Variants in NRXN2 observed in about 807,000 individuals in gnomAD.
NRXN2 encodes neurexin-2-beta.
A neutral mutation model predicts 128.8 loss-of-function variants in NRXN2; 29 were observed. The observed-to-expected ratio is 0.23, with a 90% CI of 0.17 to 0.31. The LOEUF is 0.31. NRXN2 is among the 10% of genes least tolerant of loss of function. The pLI is 1.00. For missense variants in NRXN2, 1,881 were observed against 2,452.6 expected, an observed-to-expected ratio of 0.77 and a Z score of 4.92; for synonymous variants, 1,098 against 1,075.2, an observed-to-expected ratio of 1.02 and a Z score of -0.41.
chr11:64,637,197 C>T lies in NRXN2; in HGVS notation c.3404-1745G>A, dbSNP rs1203230212. 3.3e-5 allele frequency among the ~76,000 whole-genome samples: 5 copies of T among 152,226 alleles called. No homozygotes were observed. The East Asian group carries it at 9.6e-4, about 29-fold the overall frequency. On this transcript the variant is annotated intron_variant, in intron 17 of 22. Transcript: ENST00000265459. ...CACCTGGATGGCTAATAACTGACATCTCACCTCTGCCTGTGGCCAAGAAAC... is the reference window on the plus strand; with the variant it reads ...CACCTGGATGGCTAATAACTGACATTTCACCTCTGCCTGTGGCCAAGAAAC...
At position 64,713,069 on chromosome 11, in the gene NRXN2, T is replaced by C; in HGVS notation, c.631A>G (p.Asn211Asp). 7.7e-7 allele frequency: 1 copy of C among 1,297,020 alleles called. No individual in the cohort carries two copies. Among genetic ancestry groups the C allele is most frequent in the Non-Finnish European group, 9.7e-7 (1 of 1,031,792 alleles). 80.3% of individuals were successfully genotyped at this position (1,297,020 alleles called of 1,614,324 possible). Reference protein sequence around the residue: ...TADPLCAPARNPCANGGLCTV... With the variant: ...TADPLCAPARDPCANGGLCTV... ...CAGAGGCCGCCGTTGGCGCAGGGGTTGCGCGCGGGCGCGCACAGCGGGTCG... is the reference window on the plus strand; with the variant it reads ...CAGAGGCCGCCGTTGGCGCAGGGGTCGCGCGCGGGCGCGCACAGCGGGTCG... The change falls in exon 2 of 23, where the codon AAC (asparagine) becomes GAC (aspartate). Residue 211 changes from asparagine to aspartate, a missense_variant. By Grantham distance (23) the Asn-to-Asp change is conservative (BLOSUM62 1). This residue lies in a region of NRXN2 where 997 missense variants were observed against 1,240.8 expected (regional missense o/e 0.80). Transcript: ENST00000265459.
Position 64,648,132 on chromosome 11 carries a change from GA to G in NRXN2, c.3403+86del. ...AAGCAGCACAGCTCCTGAATGCTCA[GA>G]GGCCCTGTTTCCTCCCTGGCAGCCC... is the stretch of plus-strand genomic sequence containing the variant. On this transcript the variant is annotated intron_variant, in intron 17 of 22. Transcript: ENST00000265459. This position sits in a 1 kb window ranked among gnomAD's most constrained non-coding sequence, Gnocchi z 4.1. 1 of 1,575,358 alleles carries G rather than the reference GA, an allele frequency of 6.3e-7. No individual in the cohort carries two copies.
intron 2 of NRXN2, among the ~76,000 whole-genome samples, chr11:64,709,900 T>C (rs2056724896): frequency 6.7e-6 from 1 of 149,902 alleles, no homozygotes; most frequent in South Asian, 2.1e-4. Flanking sequence ...CTTTCCCTTT[T>C]CTTCTTCCTT....
At position 64,661,034 on chromosome 11, in the gene NRXN2, C is replaced by T; in HGVS notation, c.1904G>A (p.Gly635Asp). ...ELYLGGLPEG[G>D]RVDLPLPPEV... ...TGGGGGCAGGGGCAGGTCCACCCGG[C>T]CCCCCTCAGGGAGACCGCCCAGGTA... The change falls in exon 10 of 23, where the codon GGC becomes GAC. Residue 635 changes from glycine to aspartate, a missense_variant. This residue lies in a region of NRXN2 where 997 missense variants were observed against 1,240.8 expected (regional missense o/e 0.80). Transcript: ENST00000265459. The T allele has an allele frequency of 6.2e-7, 1 of 1,613,472 alleles. No individual in the cohort carries two copies. Among genetic ancestry groups the T allele is most frequent in the Non-Finnish European group, 8.5e-7 (1 of 1,179,974 alleles).
intron 17 of NRXN2, chr11:64,642,718 G>C: frequency 6.9e-7 from 1 of 1,458,340 alleles, no homozygotes; most frequent in Non-Finnish European, 9.1e-7. Flanking sequence ...AGGTGGCGGC[G>C]GCGGCGGTGG....
At position 64,607,684 on chromosome 11, in the gene NRXN2, A is replaced by G; in HGVS notation, c.4651T>C (p.Phe1551Leu). Residue 1551 changes from phenylalanine (F) to leucine (L), a missense_variant, in exon 23 of 23, where the codon TTT (phenylalanine) becomes CTT (leucine). Coordinates refer to ENST00000265459, the MANE Select transcript of NRXN2 (RefSeq NM_015080.4). ...DGATGAPGVL[F>L]APSAPAPNLP... is the part of the protein sequence containing the mutation. ...TTGGGGGCCGGGGCGGAGGGGGCAA[A>G]CAGCACCCCAGGGGCGCCCGTGGCC... 6.5e-7 allele frequency: 1 copy of G among 1,534,270 alleles called. No homozygotes were observed. Among genetic ancestry groups the G allele is most frequent in the East Asian group, 2.4e-5 (1 of 40,840 alleles).
At chr11:64,612,115 G>A (rs564702194) in intron 22 of NRXN2, among the ~76,000 whole-genome samples, 8 of 152,312 alleles carry the variant, frequency 5.3e-5, no homozygotes, top group East Asian at 1.9e-4. Context: ...GTCACCTAAC[G>A]TAGGGTGCTG....
intron 9 of NRXN2, among the ~76,000 whole-genome samples, chr11:64,662,843 C>T (rs1462657625): frequency 6.6e-6 from 1 of 151,948 alleles, no homozygotes; most frequent in Non-Finnish European, 1.5e-5. Flanking sequence ...CAATCTCTCT[C>T]CTCACGCAAG....
intron 19 of NRXN2, among the ~76,000 whole-genome samples, chr11:64,628,140 C>T (rs1399913642): frequency 6.6e-6 from 1 of 152,142 alleles, no homozygotes; most frequent in Non-Finnish European, 1.5e-5. Flanking sequence ...TAATAAAAGT[C>T]CTATTTATTG....
chr11:64,681,864 T>C (rs1016009221), intron 6 of NRXN2, among the ~76,000 whole-genome samples: 6 of 152,170 alleles, frequency 3.9e-5, no homozygotes, highest in Non-Finnish European at 8.8e-5. Flanking sequence ...GTGTACACCA[T>C]GCCAGAGAGG....
intron 22 of NRXN2, among the ~76,000 whole-genome samples, chr11:64,618,656 G>A (rs986905067): frequency 1.3e-5 from 2 of 152,202 alleles, no homozygotes; most frequent in African/African-American, 2.4e-5. Flanking sequence ...CCAAAGCAAT[G>A]GAGGCATTGG....
At chr11:64,642,597 C>A in intron 17 of NRXN2, 1 of 1,610,454 alleles carries the variant, frequency 6.2e-7, no homozygotes, top group Non-Finnish European at 8.5e-7. Context: ...CGGTGCCGTG[C>A]TTGCTGTGGA....
At chr11:64,691,073 C>T (rs2053748666) in intron 4 of NRXN2, among the ~76,000 whole-genome samples, 2 of 152,228 alleles carry the variant, frequency 1.3e-5, no homozygotes, top group African/African-American at 4.8e-5. Context: ...CTGCTTCATT[C>T]ACCACAGTGA....
intron 22 of NRXN2, among the ~76,000 whole-genome samples, chr11:64,619,553 C>A (rs2042012292): frequency 6.6e-6 from 1 of 152,084 alleles, no homozygotes; most frequent in African/African-American, 2.4e-5. Context: ...GCCTAGAAAG[C>A]ACTCCCTGGC....
chr11:64,721,426 G>A (rs1262560562), intron 1 of NRXN2, among the ~76,000 whole-genome samples: 1 of 152,030 alleles, frequency 6.6e-6, no homozygotes, highest in Non-Finnish European at 1.5e-5. Flanking sequence ...CTGAGGATAG[G>A]ATGGGTCTGA....
chr11:64,704,619 CACACAGAGAG>C (rs1418768789), intron 2 of NRXN2, among the ~76,000 whole-genome samples: 1 of 104,052 alleles, frequency 9.6e-6, no homozygotes, highest in Non-Finnish European at 1.9e-5. Context: ...CACACACACA[CACACAGAGAG>C]AGAGAGAGAG....
chr11:64,708,934 G>A (rs1228070690), intron 2 of NRXN2, among the ~76,000 whole-genome samples: 1 of 152,150 alleles, frequency 6.6e-6, no homozygotes. Context: ...GCTCACACCT[G>A]TAATCCCAGC....
At chr11:64,712,896 C>T in intron 2 of NRXN2, 74 bp downstream of exon 2, 2 of 1,346,212 alleles carry the variant, frequency 1.5e-6, no homozygotes, top group African/African-American at 3.0e-5. Context: ...CCCACACACA[C>T]TCCGACCCCC....
Position 64,684,129 on chromosome 11 carries a change from T to C in NRXN2, c.1152+1517A>G, listed in dbSNP as rs1459295243. On this transcript the variant is annotated intron_variant, in intron 6 of 22. Coordinates refer to ENST00000265459, the MANE Select transcript of NRXN2 (RefSeq NM_015080.4). ...CCAGTATGGATGTGCCATGTATTTT[T>C]TGGTCATATGATGCATGGATAGGAA... is the stretch of plus-strand genomic sequence containing the variant. Among the ~76,000 whole-genome samples, 3 of 152,288 alleles carry C rather than the reference T, an allele frequency of 2.0e-5. No individual in the cohort carries two copies. In the East Asian group the frequency reaches 5.8e-4, roughly 29 times the overall value.
Sources: gnomAD v4.1 joint callset for allele counts (sites outside exome capture counted in the v4.1 genomes callset) on GRCh38, gnomAD v4.1.1 for gene constraint, gnomAD v4.1.1 regional missense constraint, Gnocchi (gnomAD v3.1) non-coding constraint, MANE v1.5 for transcripts, NCBI Gene and HGNC (gene_info 2026-07-23, HGNC 2026-07-21) for gene names.